Variants in GOLGA5 observed in about 807,000 individuals in gnomAD.
GOLGA5 encodes golgin subfamily A member 5.
GOLGA5 carries 50 observed loss-of-function variants against 93.5 expected under a neutral mutation model. The observed-to-expected ratio is 0.53, with a 90% CI of 0.43 to 0.68. The LOEUF is 0.68. Among genes scored for constraint, GOLGA5 ranks in the 30% least tolerant of loss-of-function variants. GOLGA5 has a pLI of 0.00. For missense variants in GOLGA5, 760 were observed against 856.4 expected (o/e 0.89, Z 1.40); for synonymous variants, 312 against 304.5 (o/e 1.02, Z -0.26).
rs1264566364 is a variant in GOLGA5, at chr14:92,797,748, C to T, written c.311C>T (p.Pro104Leu). Residue 104 changes from proline to leucine, a missense_variant, in exon 2 of 13, where the codon CCT (proline) becomes CTT (leucine). Physicochemically the swap from Pro to Leu is moderately conservative, Grantham distance 98. Transcript: ENST00000163416. The stretch of plus-strand genomic sequence containing the variant: ...CATCCTGTTGAAAATGCATCTGTTC[C>T]TAGGCCTTCATCCCATTTTGTGCGA... ...ASHPVENASV[P>L]RPSSHFVRRK... is the part of the protein sequence containing the mutation. The T allele has an allele frequency of 1.2e-6, 2 of 1,613,608 alleles. No homozygotes were observed. Among genetic ancestry groups the T allele is most frequent in the South Asian group, 2.2e-5 (2 of 91,040 alleles).
chr14:92,820,646 A>G (rs1403258600), intron 8 of GOLGA5, among the ~76,000 whole-genome samples: 1 of 152,222 alleles, frequency 6.6e-6, no homozygotes, highest in Non-Finnish European at 1.5e-5. Flanking sequence ...AACCTTGGAC[A>G]ATACCCGGCT....
rs1885278909 is a variant in GOLGA5, at chr14:92,819,837, G to C, written c.1620+1G>C. On this transcript the variant is annotated splice_donor_variant, in intron 8 of 12. Transcript: ENST00000163416. LOFTEE classifies it high-confidence loss of function. ...GACAGAACTGGAGCGACTGAAGCAGGTCAGGATTTGAGATTGATGACTTCT... is the reference window on the plus strand; with the variant it reads ...GACAGAACTGGAGCGACTGAAGCAGCTCAGGATTTGAGATTGATGACTTCT... The C allele has an allele frequency of 6.2e-7, 1 of 1,613,640 alleles. No homozygotes were observed. The highest frequency in any genetic ancestry group is 8.5e-7 in the Non-Finnish European group (1 of 1,179,774).
At chr14:92,801,806 A>G (rs1413203989) in intron 2 of GOLGA5, among the ~76,000 whole-genome samples, 3 of 149,142 alleles carry the variant, frequency 2.0e-5, no homozygotes, top group African/African-American at 5.0e-5. Context: ...TCTTGTCCCT[A>G]CCAATTTGCA....
intron 2 of GOLGA5, among the ~76,000 whole-genome samples, chr14:92,803,722 G>T (rs1025368335): frequency 1.3e-5 from 2 of 152,160 alleles, no homozygotes; most frequent in African/African-American, 4.8e-5. Flanking sequence ...CCAAACATTA[G>T]TTATTCATAC....
At chr14:92,801,121 G>A (rs1884860724) in intron 2 of GOLGA5, among the ~76,000 whole-genome samples, 1 of 152,170 alleles carries the variant, frequency 6.6e-6, no homozygotes, top group South Asian at 2.1e-4. Flanking sequence ...CCCTTGCAGG[G>A]CAAAATCATC....
intron 9 of GOLGA5, among the ~76,000 whole-genome samples, chr14:92,826,050 G>A (rs1272458792): frequency 6.6e-6 from 1 of 151,998 alleles, no homozygotes; most frequent in Non-Finnish European, 1.5e-5. Flanking sequence ...AGCTACTTGG[G>A]AGGCTAAGAC....
chr14:92,814,440 TGGGGAC>T (rs1885162955), intron 6 of GOLGA5, among the ~76,000 whole-genome samples: 1 of 152,092 alleles, frequency 6.6e-6, no homozygotes, highest in Non-Finnish European at 1.5e-5. Context: ...AGGAGGTCCC[TGGGGAC>T]CTCTCAACAG....
At chr14:92,811,508 A>T in intron 5 of GOLGA5, 43 bp from the exon 6 acceptor site, 1 of 1,247,878 alleles carries the variant, frequency 8.0e-7, no homozygotes, top group East Asian at 2.3e-5. Context: ...TATGTTTCAA[A>T]GCTAAATGAT....
chr14:92,809,362 A>G lies in GOLGA5; in HGVS notation c.835A>G (p.Met279Val). 6.2e-7 allele frequency: 1 copy of G among 1,613,578 alleles called. No homozygotes were observed. Among genetic ancestry groups the G allele is most frequent in the Non-Finnish European group, 8.5e-7 (1 of 1,179,464 alleles). Residue 279 changes from methionine (M) to valine (V), a missense_variant, in exon 4 of 13, where the codon ATG becomes GTG. Transcript: ENST00000163416. ...WNADHSKSDR[M>V]TRGLRAQVDD... is the part of the protein sequence containing the mutation. Reference sequence around the variant, plus strand: ...TGCTGACCATTCAAAGAGTGATCGAATGACTCGAGGACTCCGAGCCCAAGT... The same window carrying G: ...TGCTGACCATTCAAAGAGTGATCGAGTGACTCGAGGACTCCGAGCCCAAGT...
rs3831877 is a variant in GOLGA5 at position 92,838,373 on chromosome 14, G to GT, written c.2115+934dup. Among the ~76,000 whole-genome samples the GT allele has an allele frequency of 3.0e-3, 450 of 148,752 alleles. 3 individuals are homozygous for GT. Among genetic ancestry groups the GT allele is most frequent in the African/African-American group, 9.5e-3 (384 of 40,610 alleles). The stretch of plus-strand genomic sequence containing the variant: ...TTCCTTTAAATACAGGTTTTGTGTT[G>GT]TTTTTTTTTTCTGAGACTGAGTCTC... On this transcript the variant is annotated intron_variant, in intron 12 of 12. Coordinates refer to ENST00000163416, the MANE Select transcript of GOLGA5 (RefSeq NM_005113.4).
At chr14:92,807,917 G>T (rs931789245) in intron 3 of GOLGA5, among the ~76,000 whole-genome samples, 1 of 152,118 alleles carries the variant, frequency 6.6e-6, no homozygotes, top group Admixed American at 6.6e-5. Context: ...ATAGAGCCTA[G>T]AAGAGAGGAA....
intron 1 of GOLGA5, among the ~76,000 whole-genome samples, chr14:92,796,901 C>T (rs1208584148): frequency 1.1e-5 from 1 of 94,892 alleles, no homozygotes; most frequent in Non-Finnish European, 1.9e-5. Flanking sequence ...ACCCGGGAAG[C>T]GGAGCTTGCA....
intron 7 of GOLGA5, among the ~76,000 whole-genome samples, chr14:92,818,796 G>A (rs973420416): frequency 6.6e-6 from 1 of 152,210 alleles, no homozygotes; most frequent in African/African-American, 2.4e-5. Context: ...TGTGCCATAT[G>A]AATGGACTCA....
intron 8 of GOLGA5, among the ~76,000 whole-genome samples, chr14:92,824,083 T>C (rs1483933327): frequency 6.6e-6 from 1 of 152,158 alleles, no homozygotes; most frequent in Non-Finnish European, 1.5e-5. Context: ...AATTATTGTT[T>C]TTCTTTGTCT....
chr14:92,833,440 C>T, intron 10 of GOLGA5, 93 bp downstream of exon 10: 1 of 899,774 alleles, frequency 1.1e-6, no homozygotes, highest in Non-Finnish European at 1.8e-6. Flanking sequence ...GAAACTTCAT[C>T]CAGTGAAGGA....
intron 2 of GOLGA5, among the ~76,000 whole-genome samples, chr14:92,804,253 A>T (rs576933021): frequency 3.0e-4 from 45 of 151,926 alleles, no homozygotes; most frequent in African/African-American, 9.4e-4. Flanking sequence ...TTTTGTAGAG[A>T]CGAGTTCTCA....
chr14:92,822,728 C>T (rs1397536589), intron 8 of GOLGA5, among the ~76,000 whole-genome samples: 1 of 152,186 alleles, frequency 6.6e-6, no homozygotes, highest in Non-Finnish European at 1.5e-5. Flanking sequence ...GCGATCTCGG[C>T]TCACTGCAAC....
chr14:92,803,545 G>T (rs1884919056), intron 2 of GOLGA5, among the ~76,000 whole-genome samples: 1 of 152,136 alleles, frequency 6.6e-6, no homozygotes, highest in South Asian at 2.1e-4. Flanking sequence ...TTACTGAAAG[G>T]TTTTAACTAT....
intron 2 of GOLGA5, among the ~76,000 whole-genome samples, chr14:92,805,272 C>G (rs994316493): frequency 3.9e-5 from 6 of 152,090 alleles, no homozygotes; most frequent in Admixed American, 1.3e-4. Context: ...TATATACTTT[C>G]TAATCTGGCT....
Sources: gnomAD v4.1 joint callset for allele counts (sites outside exome capture counted in the v4.1 genomes callset) on GRCh38, gnomAD v4.1.1 for gene constraint, MANE v1.5 for transcripts, NCBI Gene and HGNC (gene_info 2026-07-23, HGNC 2026-07-21) for gene names.